The following TECRL variants were observed in gnomAD, a reference collection of about 807,000 sequenced individuals.
TECRL encodes the protein trans-2,3-enoyl-CoA reductase like.
A neutral mutation model predicts 52.8 loss-of-function variants in TECRL; 63 were observed. That is an observed-to-expected ratio of 1.19 (90% confidence interval 0.97 to 1.47). The LOEUF is 1.47. TECRL is among the 40% of genes most tolerant of loss of function. The probability of loss-of-function intolerance (pLI) is 0.00; values close to 1 mark genes in which losing one functional copy is unlikely to be tolerated. For missense variants in TECRL, 482 were observed against 429.6 expected, an observed-to-expected ratio of 1.12 and a Z score of -1.08; for synonymous variants, 164 against 141.9, an observed-to-expected ratio of 1.16 and a Z score of -1.10.
intron 1 of TECRL, among the ~76,000 whole-genome samples, chr4:64,398,091 T>A (rs1724088561): frequency 6.6e-6 from 1 of 152,136 alleles, no homozygotes; most frequent in African/African-American, 2.4e-5. Flanking sequence ...TATTTTATAG[T>A]AGTTTGATAC....
chr4:64,393,061 G>A (rs1001759704), intron 1 of TECRL, among the ~76,000 whole-genome samples: 4 of 152,028 alleles, frequency 2.6e-5, no homozygotes, highest in East Asian at 1.9e-4. Flanking sequence ...AACAAACCCC[G>A]AAGTCCCAGA....
At chr4:64,372,137 A>G (rs758987074) in intron 2 of TECRL, among the ~76,000 whole-genome samples, 2 of 151,800 alleles carry the variant, frequency 1.3e-5, no homozygotes, top group South Asian at 2.1e-4. Context: ...AGCATGATAT[A>G]AAGGTACATT....
intron 9 of TECRL, among the ~76,000 whole-genome samples, chr4:64,283,284 T>G (rs1330603134): frequency 2.6e-5 from 4 of 152,036 alleles, no homozygotes; most frequent in Admixed American, 2.6e-4. Context: ...TCCTGAGTAT[T>G]AATCTCCATC....
chr4:64,278,077 C>T lies in TECRL; in HGVS notation c.*1995G>A, dbSNP rs1218878824. 1 of 150,576 alleles carries T rather than the reference C, an allele frequency of 6.6e-6. No individual in the cohort carries two copies. The highest frequency in any genetic ancestry group is 2.0e-4 in the East Asian group (1 of 5,102). The allele number at this position is 150,576 out of a possible 1,614,324, so 9.3% of individuals were successfully genotyped here. A position where few individuals can be genotyped will look rare whatever the true frequency, so the allele number is the denominator to read the frequency against. On this transcript the variant is annotated 3_prime_UTR_variant, in exon 12 of 12. Coordinates refer to ENST00000381210, the MANE Select transcript of TECRL (RefSeq NM_001010874.5). ...GTGTATATATATGTGTATATATATACACATATACACACGTACACACATATT... is the reference window on the plus strand; with the variant it reads ...GTGTATATATATGTGTATATATATATACATATACACACGTACACACATATT...
At chr4:64,308,961 A>T (rs577240590) in intron 6 of TECRL, among the ~76,000 whole-genome samples, 2 of 152,354 alleles carry the variant, frequency 1.3e-5, no homozygotes, top group South Asian at 4.1e-4. Flanking sequence ...TCTAACAATT[A>T]GTGAATTTAA....
chr4:64,385,581 T>A (rs1723120176), intron 1 of TECRL, among the ~76,000 whole-genome samples: 1 of 152,104 alleles, frequency 6.6e-6, no homozygotes, highest in Non-Finnish European at 1.5e-5. Context: ...GCCATAGCTT[T>A]CTAGGTGGAT....
intron 3 of TECRL, among the ~76,000 whole-genome samples, chr4:64,327,949 T>G (rs1718374729): frequency 6.6e-6 from 1 of 151,984 alleles, no homozygotes; most frequent in Non-Finnish European, 1.5e-5. Flanking sequence ...CATTAAAATT[T>G]TAAACTCCAA....
Position 64,280,101 on chromosome 4 carries a change from T to C in TECRL, c.1063A>G (p.Lys355Glu), listed in dbSNP as rs946083598. The stretch of plus-strand genomic sequence containing the variant: ...AATATGAATGGAATCATTGCTGATT[T>C]TCTATGAATATATGAATTGAATTTT... Reference protein sequence around the residue: ...LRKFNSYIHRKSAMIPFIL With the variant: ...LRKFNSYIHRESAMIPFIL Residue 355 changes from lysine (K) to glutamate (E), a missense_variant, in exon 12 of 12, where the codon AAA (lysine) becomes GAA (glutamate). Physicochemically the swap from Lys to Glu is moderately conservative, Grantham distance 56. Coordinates refer to ENST00000381210, the MANE Select transcript of TECRL (RefSeq NM_001010874.5). 1 of 1,600,914 alleles carries C rather than the reference T, an allele frequency of 6.2e-7. No homozygotes were observed. Among genetic ancestry groups the C allele is most frequent in the Non-Finnish European group, 8.5e-7 (1 of 1,174,946 alleles).
At position 64,375,063 on chromosome 4, in the gene TECRL, G is replaced by A. The variant is rs140326959; in HGVS notation, c.286+109C>T. ...AACTATTGTTCCTGAGCTCCTTGTA[G>A]AACTATGGTTTTCATACACTCTAAC... On this transcript the variant is annotated intron_variant, in intron 2 of 11. Transcript: ENST00000381210. 48 of 442,300 alleles carry A rather than the reference G, an allele frequency of 1.1e-4. No individual in the cohort carries two copies. In the East Asian group the frequency reaches 1.7e-3, roughly 16 times the overall value. The allele number at this position is 442,300 out of a possible 1,614,324, so 27.4% of individuals were successfully genotyped here. A position where few individuals can be genotyped will look rare whatever the true frequency, so the allele number is the denominator to read the frequency against.
intron 1 of TECRL, among the ~76,000 whole-genome samples, chr4:64,406,171 T>C (rs1473854160): frequency 6.7e-6 from 1 of 149,714 alleles, no homozygotes. Context: ...CGCGCGTGTG[T>C]GTGTGTGTGT....
At chr4:64,316,542 C>G (rs747914964) in intron 4 of TECRL, among the ~76,000 whole-genome samples, 1 of 151,856 alleles carries the variant, frequency 6.6e-6, no homozygotes, top group Non-Finnish European at 1.5e-5. Context: ...GAAAATAGTT[C>G]AAGATGAAGA....
At chr4:64,338,358 G>T (rs1158945721) in intron 2 of TECRL, among the ~76,000 whole-genome samples, 2 of 152,150 alleles carry the variant, frequency 1.3e-5, no homozygotes, top group Non-Finnish European at 2.9e-5. Flanking sequence ...ATACCATTCA[G>T]GACATAGGCA....
At chr4:64,288,792 G>T (rs752028774) in intron 9 of TECRL, among the ~76,000 whole-genome samples, 5 of 152,158 alleles carry the variant, frequency 3.3e-5, no homozygotes, top group Admixed American at 6.5e-5. Flanking sequence ...CCAATGAGAT[G>T]CATTGAAAAC....
chr4:64,371,733 G>A (rs533000938), intron 2 of TECRL, among the ~76,000 whole-genome samples: 28 of 151,670 alleles, frequency 1.8e-4, no homozygotes, highest in African/African-American at 6.0e-4. Flanking sequence ...GTTCTGTCCC[G>A]TCATGCTTAT....
chr4:64,391,037 C>A (rs1431901897), intron 1 of TECRL, among the ~76,000 whole-genome samples: 1 of 151,674 alleles, frequency 6.6e-6, no homozygotes, highest in Non-Finnish European at 1.5e-5. Context: ...GTATTGCCAG[C>A]CACTAAAAAT....
intron 1 of TECRL, among the ~76,000 whole-genome samples, chr4:64,378,408 G>GA (rs984405305): frequency 9.3e-5 from 14 of 150,854 alleles, no homozygotes; most frequent in Non-Finnish European, 1.2e-4. Context: ...CTCTCCAAAA[G>GA]AAAAAAAAAT....
chr4:64,315,933 A>T (rs1242768956), intron 4 of TECRL, among the ~76,000 whole-genome samples: 1 of 152,074 alleles, frequency 6.6e-6, no homozygotes, highest in African/African-American at 2.4e-5. Context: ...GCAACTTCTG[A>T]TCAAGTCAAT....
chr4:64,383,853 G>T (rs1722988787), intron 1 of TECRL, among the ~76,000 whole-genome samples: 1 of 151,596 alleles, frequency 6.6e-6, no homozygotes, highest in South Asian at 2.1e-4. Context: ...TGTAACAGTT[G>T]CTTCTTCTAA....
intron 1 of TECRL, among the ~76,000 whole-genome samples, chr4:64,405,122 G>A (rs13135291): frequency 0.92 from 139,909 of 152,136 alleles, 65,411 homozygotes; most frequent in East Asian, 1. Context: ...TAGTAAAGAA[G>A]TAAAACAAGG....
Sources: allele counts gnomAD v4.1 joint callset (sites outside exome capture counted in the v4.1 genomes callset), GRCh38; gene constraint gnomAD v4.1.1; transcripts MANE v1.5; gene names NCBI Gene and HGNC (gene_info 2026-07-23, HGNC 2026-07-21).